ATP6V0D1: variants seen among roughly 807,000 people sequenced by gnomAD.
The protein encoded by ATP6V0D1 is ATPase H+ transporting V0 subunit d1.
ATP6V0D1 carries 13 observed loss-of-function variants against 39.0 expected under a neutral mutation model. That is an observed-to-expected ratio of 0.33 (90% confidence interval 0.22 to 0.53). The LOEUF is 0.53. Ranked by LOEUF, ATP6V0D1 falls within the 20% of genes least tolerant of loss-of-function variation. ATP6V0D1 has a pLI of 0.94. For synonymous variants in ATP6V0D1, 191 were observed against 191.2 expected, an observed-to-expected ratio of 1.00 and a Z score of 0.01; for missense variants, 272 against 470.9, an observed-to-expected ratio of 0.58 and a Z score of 3.91.
rs1476510243 is a variant in ATP6V0D1, at chr16:67,447,716, G to GA, written c.303-3011dup. 3.9e-5 allele frequency among the ~76,000 whole-genome samples: 6 copies of GA among 152,202 alleles called. No homozygotes were observed. The highest frequency in any genetic ancestry group is 7.3e-5 in the Non-Finnish European group (5 of 68,034). On this transcript the variant is annotated intron_variant, in intron 2 of 7. Coordinates refer to ENST00000290949, the MANE Select transcript of ATP6V0D1 (RefSeq NM_004691.5). The surrounding 1 kb of genome is among the most constrained non-coding windows in gnomAD (Gnocchi z 4.1). Reference sequence around the variant, plus strand: ...ACAGACATCTTGGGTTGGAGTTTAGGAAGCCACTTCCTCCAAGAAGCCTTC... The same window carrying GA: ...ACAGACATCTTGGGTTGGAGTTTAGGAAAGCCACTTCCTCCAAGAAGCCTTC...
chr16:67,472,846 G>A (rs1457250203), intron 1 of ATP6V0D1, among the ~76,000 whole-genome samples: 1 of 152,050 alleles, frequency 6.6e-6, no homozygotes, highest in Non-Finnish European at 1.5e-5. Context: ...CTCCAGCCTG[G>A]GCAACAGAGC....
chr16:67,467,373 C>T (rs1597581935), intron 1 of ATP6V0D1, among the ~76,000 whole-genome samples: 1 of 152,010 alleles, frequency 6.6e-6, no homozygotes, highest in Non-Finnish European at 1.5e-5. Flanking sequence ...GGCGTGGTGG[C>T]GGGTGCCTGT....
intron 1 of ATP6V0D1, among the ~76,000 whole-genome samples, chr16:67,467,599 G>A (rs1417568386): frequency 2.6e-5 from 4 of 152,112 alleles, no homozygotes; most frequent in African/African-American, 7.2e-5. Context: ...TACAACCTAC[G>A]AGTAAGTGAT....
chr16:67,478,015 T>C (rs1319326332), intron 1 of ATP6V0D1, among the ~76,000 whole-genome samples: 1 of 152,082 alleles, frequency 6.6e-6, no homozygotes, highest in Non-Finnish European at 1.5e-5. Flanking sequence ...TTCTGGAGGG[T>C]ACAGGTACAA....
chr16:67,457,402 A>AT, intron 1 of ATP6V0D1: 1 of 383,380 alleles, frequency 2.6e-6, no homozygotes, highest in South Asian at 2.1e-5. Context: ...TTACCGCTCT[A>AT]TTCCCCAGCC....
rs781339595 is a variant in ATP6V0D1 at position 67,481,102 on chromosome 16, G to C, written c.-16C>G. On this transcript the variant is annotated 5_prime_UTR_variant, in exon 1 of 8. Coordinates refer to ENST00000290949, the MANE Select transcript of ATP6V0D1 (RefSeq NM_004691.5). ...AGAACGACATGGCTGCTGCGGGAGC[G>C]GCGGGACCGGAGAACCAGGACCGGC... is the stretch of plus-strand genomic sequence containing the variant. 2 of 1,613,634 alleles carry C rather than the reference G, an allele frequency of 1.2e-6. No individual in the cohort carries two copies. Among genetic ancestry groups the C allele is most frequent in the Non-Finnish European group, 1.7e-6 (2 of 1,179,682 alleles).
At position 67,438,166 on chromosome 16, in the gene ATP6V0D1, G is replaced by C. The variant is rs1264818739; in HGVS notation, c.*362C>G. ...CTGGGAGCGACCCACAGAAGGGAGA[G>C]GAGGCTCAAACTGCCCCCAGGCCCC... On this transcript the variant is annotated 3_prime_UTR_variant, in exon 8 of 8. Coordinates refer to ENST00000290949, the MANE Select transcript of ATP6V0D1 (RefSeq NM_004691.5). 16 of 275,792 alleles carry C rather than the reference G, an allele frequency of 5.8e-5. No individual in the cohort carries two copies. Among genetic ancestry groups the C allele is most frequent in the Non-Finnish European group, 1.1e-4 (16 of 142,978 alleles). The allele number at this position is 275,792 out of a possible 1,614,324, so 17.1% of individuals were successfully genotyped here.
intron 1 of ATP6V0D1, among the ~76,000 whole-genome samples, chr16:67,467,843 G>A (rs926664502): frequency 2.0e-5 from 3 of 152,206 alleles, no homozygotes; most frequent in Admixed American, 1.3e-4. Context: ...AAGCTGCAGT[G>A]TGTCTGATCA....
Position 67,438,477 on chromosome 16 carries a change from A to ACACACG in ATP6V0D1, c.*50_*51insCGTGTG. 1 of 1,478,962 alleles carries ACACACG rather than the reference A, an allele frequency of 6.8e-7. No homozygotes were observed. The highest frequency in any genetic ancestry group is 1.2e-5 in the South Asian group (1 of 82,792). The allele number at this position is 1,478,962 out of a possible 1,614,324, so 91.6% of individuals were successfully genotyped here. A position where few individuals can be genotyped will look rare whatever the true frequency, so the allele number is the denominator to read the frequency against. ...CACACACACGCACACACACGCGCAC[A>ACACACG]CACACACACACACACACAAAGAGTG... On this transcript the variant is annotated 3_prime_UTR_variant, in exon 8 of 8. Coordinates refer to ENST00000290949, the MANE Select transcript of ATP6V0D1 (RefSeq NM_004691.5).
Position 67,480,989 on chromosome 16 carries a change from T to C in ATP6V0D1, c.98A>G (p.Tyr33Cys). ...CGTCTCGCACTGCACCAGGTTGAGG[T>C]AGTCGGCCTGGCTGAGCACCCCGGC... ...LKAGVLSQADYLNLVQCETLE... is the reference protein window; with the variant it reads ...LKAGVLSQADCLNLVQCETLE... The change falls in exon 1 of 8, where the codon TAC becomes TGC. Residue 33 changes from tyrosine (Y) to cysteine (C), a missense_variant. Physicochemically the swap from Tyr to Cys is radical, Grantham distance 194 (BLOSUM62 -2). This residue lies in a region of ATP6V0D1 where 81 missense variants were observed against 96.0 expected (regional missense o/e 0.84). Coordinates refer to ENST00000290949, the MANE Select transcript of ATP6V0D1 (RefSeq NM_004691.5). 6.2e-7 allele frequency: 1 copy of C among 1,614,094 alleles called. No individual in the cohort carries two copies. Among genetic ancestry groups the C allele is most frequent in the Non-Finnish European group, 8.5e-7 (1 of 1,179,972 alleles).
intron 2 of ATP6V0D1, among the ~76,000 whole-genome samples, chr16:67,446,810 C>T (rs568056744): frequency 2.6e-5 from 4 of 152,274 alleles, no homozygotes; most frequent in African/African-American, 7.2e-5. Context: ...CCCTCCCTTT[C>T]GGACGGGAAG....
At chr16:67,471,773 G>A (rs1319764165) in intron 1 of ATP6V0D1, among the ~76,000 whole-genome samples, 1 of 151,728 alleles carries the variant, frequency 6.6e-6, no homozygotes, top group Non-Finnish European at 1.5e-5. Flanking sequence ...CCAGGCCCAA[G>A]CGACCTTCCC....
At chr16:67,455,386 T>C (rs949118629) in intron 1 of ATP6V0D1, 2 of 152,130 alleles carry the variant, frequency 1.3e-5, no homozygotes, top group African/African-American at 2.4e-5. Context: ...AAAGGAGAGA[T>C]GGAACACAGC....
intron 1 of ATP6V0D1, among the ~76,000 whole-genome samples, chr16:67,478,448 T>TA (rs1339924996): frequency 1.3e-5 from 2 of 151,690 alleles, no homozygotes; most frequent in Admixed American, 6.6e-5. Flanking sequence ...TCCTCTCTAC[T>TA]AAAAAATACA....
chr16:67,455,117 C>G (rs563901753), intron 1 of ATP6V0D1: 1 of 152,348 alleles, frequency 6.6e-6, no homozygotes, highest in South Asian at 2.1e-4. Flanking sequence ...GCTTGGAAGA[C>G]TACATGCCTC....
chr16:67,438,333 A>C lies in ATP6V0D1; in HGVS notation c.*195T>G. ...CCATCCTTGGTGGGGGGGGGTGCCC[A>C]GCCCCTTTTCAGGCCTAAGAACAGT... On this transcript the variant is annotated 3_prime_UTR_variant, in exon 8 of 8. Coordinates refer to ENST00000290949, the MANE Select transcript of ATP6V0D1 (RefSeq NM_004691.5). 1.5e-6 allele frequency: 1 copy of C among 646,724 alleles called. No individual in the cohort carries two copies. Among genetic ancestry groups the C allele is most frequent in the Non-Finnish European group, 2.6e-6 (1 of 390,130 alleles). The allele number at this position is 646,724 out of a possible 1,614,324, so 40.1% of individuals were successfully genotyped here.
At chr16:67,446,321 C>A (rs1225869039) in intron 2 of ATP6V0D1, among the ~76,000 whole-genome samples, 1 of 152,172 alleles carries the variant, frequency 6.6e-6, no homozygotes, top group Non-Finnish European at 1.5e-5. Context: ...TCCCACCCAG[C>A]CTGGCGCCCT....
Position 67,453,798 on chromosome 16 carries a change from GC to G in ATP6V0D1, c.131-84del. 1.5e-6 allele frequency: 2 copies of G among 1,367,130 alleles called. No homozygotes were observed. Among genetic ancestry groups the G allele is most frequent in the Non-Finnish European group, 2.0e-6 (2 of 983,530 alleles). 84.7% of individuals were successfully genotyped at this position (1,367,130 alleles called of 1,614,324 possible). Reference sequence around the variant, plus strand: ...AAGTCCCCATCCCCACCCCAACTCAGCCCCAGCTCTCCCCTGCAGTTGTGTC... The same window carrying G: ...AAGTCCCCATCCCCACCCCAACTCAGCCCAGCTCTCCCCTGCAGTTGTGTC... On this transcript the variant is annotated intron_variant, in intron 1 of 7. Transcript: ENST00000290949. The surrounding 1 kb of genome is among the most constrained non-coding windows in gnomAD (Gnocchi z 4.1).
At chr16:67,467,447 G>A (rs544274548) in intron 1 of ATP6V0D1, among the ~76,000 whole-genome samples, 72 of 152,180 alleles carry the variant, frequency 4.7e-4, no homozygotes, top group African/African-American at 1.5e-3. Flanking sequence ...GGAGGTTGCA[G>A]TGAGCCAAGA....
Sources: gnomAD v4.1 joint callset for allele counts (sites outside exome capture counted in the v4.1 genomes callset) on GRCh38, gnomAD v4.1.1 for gene constraint, gnomAD v4.1.1 regional missense constraint, Gnocchi (gnomAD v3.1) non-coding constraint, MANE v1.5 for transcripts, NCBI Gene and HGNC (gene_info 2026-07-23, HGNC 2026-07-21) for gene names.